The following ASAP2 variants were observed in gnomAD, a reference collection of about 807,000 sequenced individuals.
ASAP2 encodes arf-GAP with SH3 domain, ANK repeat and PH domain-containing protein 2.
In ASAP2, 45 loss-of-function variants were observed where a neutral mutation model predicts 131.4. That is an observed-to-expected ratio of 0.34 (90% CI 0.27 to 0.44). The LOEUF (loss-of-function observed/expected upper bound fraction) is 0.44. Among genes scored for constraint, ASAP2 ranks in the 20% least tolerant of loss-of-function variants. ASAP2 has a pLI of 1.00. For missense variants in ASAP2, 1,011 were observed against 1,297.0 expected (o/e 0.78, Z 3.39); for synonymous variants, 510 against 503.0 (o/e 1.01, Z -0.19).
intron 1 of ASAP2, among the ~76,000 whole-genome samples, chr2:9,249,330 G>A (rs1279364377): frequency 1.3e-5 from 2 of 152,164 alleles, no homozygotes; most frequent in Admixed American, 1.3e-4. Context: ...GCCCCATTCT[G>A]CCCTCACGTC....
At chr2:9,300,156 C>A (rs1668393054) in intron 3 of ASAP2, among the ~76,000 whole-genome samples, 1 of 152,192 alleles carries the variant, frequency 6.6e-6, no homozygotes, top group African/African-American at 2.4e-5. Context: ...TTGCTTAAGC[C>A]CAGGAAGCGG....
At chr2:9,368,366 G>A (rs1186255788) in intron 15 of ASAP2, 59 bp from the exon 16 acceptor site, 12 of 1,423,274 alleles carry the variant, frequency 8.4e-6, no homozygotes, top group Non-Finnish European at 4.0e-6. Context: ...GATGGGTAAT[G>A]TGTAGCAGTA....
chr2:9,320,294 A>G lies in ASAP2; in HGVS notation c.427A>G (p.Lys143Glu). 1.9e-6 allele frequency: 3 copies of G among 1,610,312 alleles called. No homozygotes were observed. Among genetic ancestry groups the G allele is most frequent in the Non-Finnish European group, 2.5e-6 (3 of 1,178,302 alleles). Reference protein sequence around the residue: ...GDLKGVKGDLKKPFDKAWKDY... With the variant: ...GDLKGVKGDLEKPFDKAWKDY... ...TATTATTCTTTGTTTACAGGATCTG[A>G]AAAAGCCTTTTGATAAAGCTTGGAA... is the stretch of plus-strand genomic sequence containing the variant. Residue 143 changes from lysine to glutamate, a missense_variant, in exon 5 of 28, where the codon AAA becomes GAA. Lys to Glu is a moderately conservative substitution (Grantham distance 56). This residue lies in a region of ASAP2 where 359 missense variants were observed against 598.1 expected (regional missense o/e 0.60). Transcript: ENST00000281419.
Position 9,352,612 on chromosome 2 carries a change from CAGGG to C in ASAP2, c.1111+1721_1111+1724del, listed in dbSNP as rs1672431476. On this transcript the variant is annotated intron_variant, in intron 12 of 27. Coordinates refer to ENST00000281419, the MANE Select transcript of ASAP2 (RefSeq NM_003887.3). ...CACCTTTTTACAACACAGCAGGCAG[CAGGG>C]AGGATCAGTAGACGGCAAGTGTGCA... is the stretch of plus-strand genomic sequence containing the variant. 3.3e-5 allele frequency among the ~76,000 whole-genome samples: 5 copies of C among 152,204 alleles called. No homozygotes were observed. In the South Asian group the frequency reaches 1.0e-3, roughly 32 times the overall value.
At chr2:9,376,641 A>G (rs549073255) in intron 17 of ASAP2, among the ~76,000 whole-genome samples, 155 of 152,354 alleles carry the variant, frequency 1.0e-3, no homozygotes, top group African/African-American at 3.0e-3. Flanking sequence ...GGATGGGGAC[A>G]GGTCGATTGA....
At chr2:9,340,991 C>T (rs1460829465) in intron 9 of ASAP2, among the ~76,000 whole-genome samples, 1 of 152,166 alleles carries the variant, frequency 6.6e-6, no homozygotes, top group African/African-American at 2.4e-5. Flanking sequence ...GGCACACAAA[C>T]AGTCCCTGCA....
chr2:9,397,751 T>TATATATAATATATA (rs1491228426), intron 24 of ASAP2, among the ~76,000 whole-genome samples: 3 of 60,236 alleles, frequency 5.0e-5, no homozygotes, highest in African/African-American at 2.9e-4. Flanking sequence ...TATATATATA[T>TATATATAATATATA]TTTTTTTTTT....
intron 2 of ASAP2, among the ~76,000 whole-genome samples, chr2:9,294,828 CCTT>C (rs1668054958): frequency 6.6e-6 from 1 of 152,160 alleles, no homozygotes; most frequent in African/African-American, 2.4e-5. Flanking sequence ...CAGCTCCCCT[CCTT>C]TGTCATCTCT....
chr2:9,213,478 C>T (rs1397026784), intron 1 of ASAP2, among the ~76,000 whole-genome samples: 6 of 152,090 alleles, frequency 3.9e-5, no homozygotes, highest in East Asian at 1.9e-4. Context: ...TAACATGGTC[C>T]GATATCCATT....
intron 9 of ASAP2, 133 bp downstream of exon 9, chr2:9,335,312 T>G (rs1671132287): frequency 2.8e-6 from 2 of 715,234 alleles, no homozygotes; most frequent in African/African-American, 3.6e-5. Flanking sequence ...AGTAAAACAT[T>G]TAATGTATTC....
intron 7 of ASAP2, among the ~76,000 whole-genome samples, chr2:9,329,560 A>G (rs1558336443): frequency 6.6e-6 from 1 of 152,234 alleles, no homozygotes; most frequent in East Asian, 1.9e-4. Flanking sequence ...GGCTGTAACA[A>G]GATTACTCTG....
chr2:9,253,727 A>G (rs1664891771), intron 1 of ASAP2, among the ~76,000 whole-genome samples: 1 of 152,116 alleles, frequency 6.6e-6, no homozygotes, highest in Admixed American at 6.5e-5. Flanking sequence ...TTACAATGTT[A>G]CATGTATCTT....
At chr2:9,335,231 C>T in intron 9 of ASAP2, 52 bp downstream of exon 9, 2 of 1,534,926 alleles carry the variant, frequency 1.3e-6, no homozygotes, top group South Asian at 2.2e-5. Flanking sequence ...TTCTTGGAGG[C>T]TTTGGGTCTG....
chr2:9,343,600 C>A (rs982284888), intron 9 of ASAP2, among the ~76,000 whole-genome samples: 1 of 152,206 alleles, frequency 6.6e-6, no homozygotes, highest in Non-Finnish European at 1.5e-5. Flanking sequence ...GCGCCTGCCA[C>A]CATACCTAGC....
chr2:9,399,194 G>C (rs904816701), intron 24 of ASAP2: 2 of 152,268 alleles, frequency 1.3e-5, no homozygotes, highest in African/African-American at 4.8e-5. Flanking sequence ...GTCGACAGAC[G>C]GGAGCGTACA....
intron 16 of ASAP2, among the ~76,000 whole-genome samples, chr2:9,374,364 C>T (rs1674217204): frequency 6.6e-6 from 1 of 152,226 alleles, no homozygotes; most frequent in Non-Finnish European, 1.5e-5. Context: ...TTGGCCAGGG[C>T]TGCATGGAGG....
chr2:9,253,930 G>A (rs1166973195), intron 1 of ASAP2, among the ~76,000 whole-genome samples: 13 of 151,850 alleles, frequency 8.6e-5, no homozygotes, highest in Admixed American at 6.6e-4. Context: ...ATTGTTGGCC[G>A]GGCACGGTGG....
At chr2:9,304,936 A>G (rs1299712490) in intron 3 of ASAP2, among the ~76,000 whole-genome samples, 11 of 103,750 alleles carry the variant, frequency 1.1e-4, no homozygotes, top group Admixed American at 2.2e-4. Context: ...TGGAGTAGTG[A>G]GGTATAGATA....
intron 20 of ASAP2, among the ~76,000 whole-genome samples, chr2:9,384,493 C>T (rs1675106391): frequency 1.3e-5 from 2 of 152,218 alleles, no homozygotes; most frequent in South Asian, 4.1e-4. Context: ...CTGTCTTCCA[C>T]CCCAGACACC....
Sources: gnomAD v4.1 joint callset for allele counts (sites outside exome capture counted in the v4.1 genomes callset) on GRCh38, gnomAD v4.1.1 for gene constraint, gnomAD v4.1.1 regional missense constraint, MANE v1.5 for transcripts, NCBI Gene and HGNC (gene_info 2026-07-23, HGNC 2026-07-21) for gene names.